The following ZNF423 variants were observed in gnomAD, a reference collection of about 807,000 sequenced individuals.
The protein encoded by ZNF423 is Ebf-associated zinc finger protein.
ZNF423 carries 12 observed loss-of-function variants against 95.8 expected under a neutral mutation model. The ratio of observed to expected loss-of-function variants is 0.13; its 90% CI spans 0.08 to 0.20. ZNF423 has a LOEUF of 0.20. Ranked by LOEUF, ZNF423 falls within the 10% of genes least tolerant of loss-of-function variation. ZNF423 has a pLI of 1.00. For missense variants in ZNF423, 1,316 were observed against 1,737.1 expected (o/e 0.76, Z 4.31); for synonymous variants, 749 against 711.9 (o/e 1.05, Z -0.83).
chr16:49,767,897 C>T (rs1011404954), intron 2 of ZNF423, among the ~76,000 whole-genome samples: 1 of 152,230 alleles, frequency 6.6e-6, no homozygotes, highest in African/African-American at 2.4e-5. Context: ...ACCAGGCTTA[C>T]GTCGGGTCCT....
intron 5 of ZNF423, among the ~76,000 whole-genome samples, chr16:49,527,230 C>T (rs1054000660): frequency 3.9e-5 from 6 of 152,230 alleles, no homozygotes; most frequent in East Asian, 3.8e-4. Context: ...TGGAATCTAC[C>T]GGGTGTTTGT....
intron 2 of ZNF423, among the ~76,000 whole-genome samples, chr16:49,748,811 G>A (rs184518755): frequency 2.0e-4 from 30 of 152,282 alleles, no homozygotes; most frequent in African/African-American, 6.0e-4. Context: ...CTGAGGCCCC[G>A]AGGGGGAAGG....
At chr16:49,687,352 G>A (rs1349176321) in intron 3 of ZNF423, among the ~76,000 whole-genome samples, 4 of 152,128 alleles carry the variant, frequency 2.6e-5, no homozygotes, top group Non-Finnish European at 5.9e-5. Context: ...TCATTCAGTT[G>A]CACAGGACTG....
chr16:49,708,827 C>G (rs1252852733), intron 3 of ZNF423, among the ~76,000 whole-genome samples: 2 of 152,206 alleles, frequency 1.3e-5, no homozygotes, highest in African/African-American at 4.8e-5. Context: ...AGGACAATGC[C>G]TGCCTCCTCC....
intron 1 of ZNF423, among the ~76,000 whole-genome samples, chr16:49,831,733 G>A (rs1383968282): frequency 1.3e-5 from 2 of 152,292 alleles, no homozygotes; most frequent in South Asian, 2.1e-4. Context: ...GCTCACGCCT[G>A]TAATCCCAGC....
At chr16:49,531,342 G>T (rs1411343125) in intron 5 of ZNF423, among the ~76,000 whole-genome samples, 1 of 151,704 alleles carries the variant, frequency 6.6e-6, no homozygotes, top group Non-Finnish European at 1.5e-5. Flanking sequence ...CTGTAAATGG[G>T]CGCGGTAAAT....
intron 5 of ZNF423, among the ~76,000 whole-genome samples, chr16:49,578,062 G>A (rs1178978132): frequency 1.3e-5 from 2 of 152,248 alleles, no homozygotes; most frequent in African/African-American, 2.4e-5. Context: ...TAGAGCCACA[G>A]TATTCCAAGA....
In ZNF423 at chr16:49,549,117, G is replaced by C. The variant is rs528214514; in HGVS notation, c.3602-23623C>G. Among the ~76,000 whole-genome samples, 49 of 152,352 alleles carry C rather than the reference G, an allele frequency of 3.2e-4. No homozygotes were observed. The South Asian group carries it at 8.7e-3, about 27-fold the overall frequency. ...GGTTCAAAGACTCGAACTATTGAAT[G>C]AAATGGAAATGCTCAGATGGTGGCA... On this transcript the variant is annotated intron_variant, in intron 5 of 7. Transcript: ENST00000563137.
At chr16:49,781,855 G>A (rs1194569785) in intron 2 of ZNF423, among the ~76,000 whole-genome samples, 1 of 152,174 alleles carries the variant, frequency 6.6e-6, no homozygotes, top group Non-Finnish European at 1.5e-5. Context: ...TTCCCAAGGA[G>A]GTCCCAGGAC....
rs868365794 is a variant in ZNF423 at position 49,589,897 on chromosome 16, G to C, written c.3601+36273C>G. The stretch of plus-strand genomic sequence containing the variant: ...AGAGGTAGGCTCCGCAGACCTTGGC[G>C]TCCGCCATTAGCGGCCTGGCGCAAA... On this transcript the variant is annotated intron_variant, in intron 5 of 7. Transcript: ENST00000563137. Among the ~76,000 whole-genome samples the C allele has an allele frequency of 6.6e-5, 10 of 151,996 alleles. 1 individual carries two copies. Among genetic ancestry groups the C allele is most frequent in the Admixed American group, 6.5e-4 (10 of 15,284 alleles).
intron 5 of ZNF423, among the ~76,000 whole-genome samples, chr16:49,539,191 G>A (rs1317380958): frequency 6.6e-6 from 1 of 152,132 alleles, no homozygotes; most frequent in Non-Finnish European, 1.5e-5. Flanking sequence ...CAGCCCTGGA[G>A]CATTCAGGTC....
intron 2 of ZNF423, among the ~76,000 whole-genome samples, chr16:49,786,460 A>C (rs4785192): frequency 0.35 from 53,734 of 152,166 alleles, 9,677 homozygotes; most frequent in African/African-American, 0.44. Context: ...AGGGCCCCCC[A>C]AGAAGAGGGG....
chr16:49,645,758 C>T (rs1351680237), intron 3 of ZNF423, among the ~76,000 whole-genome samples: 1 of 152,182 alleles, frequency 6.6e-6, no homozygotes, highest in Admixed American at 6.5e-5. Flanking sequence ...TGGGAGGTAA[C>T]TGAATCATGG....
intron 7 of ZNF423, among the ~76,000 whole-genome samples, chr16:49,502,146 G>A (rs1297036144): frequency 6.6e-6 from 1 of 152,212 alleles, no homozygotes; most frequent in Non-Finnish European, 1.5e-5. Flanking sequence ...CGGGCCACCA[G>A]CTTGAGACCT....
intron 7 of ZNF423, among the ~76,000 whole-genome samples, chr16:49,498,527 G>A (rs1967256475): frequency 6.6e-6 from 1 of 152,192 alleles, no homozygotes; most frequent in Non-Finnish European, 1.5e-5. Flanking sequence ...TCTGGGCCAT[G>A]GGGAGCCATG....
At chr16:49,667,632 A>G (rs1252030124) in intron 3 of ZNF423, among the ~76,000 whole-genome samples, 1 of 152,276 alleles carries the variant, frequency 6.6e-6, no homozygotes, top group Non-Finnish European at 1.5e-5. Flanking sequence ...CTATAATCCC[A>G]GCACTTTGGG....
intron 3 of ZNF423, among the ~76,000 whole-genome samples, chr16:49,683,247 A>T (rs1463933345): frequency 1.3e-5 from 2 of 152,186 alleles, no homozygotes; most frequent in Non-Finnish European, 2.9e-5. Flanking sequence ...CCCCTCAAGG[A>T]GCCCATTGTC....
upstream of ZNF423, among the ~76,000 whole-genome samples, chr16:49,858,920 G>A (rs867801111): frequency 1.3e-5 from 2 of 152,158 alleles, no homozygotes; most frequent in South Asian, 2.1e-4. The surrounding 1 kb of genome is among the most constrained non-coding windows in gnomAD (Gnocchi z 4.3). Context: ...GATGGCACAC[G>A]CTGGGGGAGG....
intron 5 of ZNF423, among the ~76,000 whole-genome samples, chr16:49,555,925 C>T (rs1969810311): frequency 6.6e-6 from 1 of 152,076 alleles, no homozygotes; most frequent in African/African-American, 2.4e-5. Flanking sequence ...ATGTGTCAGT[C>T]CAGATCTGCC....
Sources: allele counts gnomAD v4.1 joint callset (sites outside exome capture counted in the v4.1 genomes callset), GRCh38; gene constraint gnomAD v4.1.1; non-coding constraint Gnocchi (gnomAD v3.1); transcripts MANE v1.5; gene names NCBI Gene and HGNC (gene_info 2026-07-23, HGNC 2026-07-21).